The following SIPA1L2 variants were observed in gnomAD, a reference collection of about 807,000 sequenced individuals.
SIPA1L2 encodes the protein signal-induced proliferation-associated 1-like protein 2.
A neutral mutation model predicts 163.9 loss-of-function variants in SIPA1L2; 56 were observed. That is an observed-to-expected ratio of 0.34 (90% CI 0.28 to 0.43). The LOEUF is 0.43. SIPA1L2 is among the 20% of genes least tolerant of loss of function. SIPA1L2 has a pLI of 1.00. For synonymous variants in SIPA1L2, 877 were observed against 865.7 expected, an observed-to-expected ratio of 1.01 and a Z score of -0.23; for missense variants, 1,974 against 2,193.5, an observed-to-expected ratio of 0.90 and a Z score of 2.00.
chr1:232,534,789 A>G (rs1302503364), intron 2 of SIPA1L2, among the ~76,000 whole-genome samples: 1 of 152,192 alleles, frequency 6.6e-6, no homozygotes, highest in East Asian at 1.9e-4. Flanking sequence ...GAGACTCATC[A>G]TTCCAGCATC....
intron 2 of SIPA1L2, among the ~76,000 whole-genome samples, chr1:232,551,792 G>A (rs1052417130): frequency 6.6e-6 from 1 of 152,186 alleles, no homozygotes; most frequent in African/African-American, 2.4e-5. Flanking sequence ...TAAAAGCCAG[G>A]CCAAGGAATT....
intron 16 of SIPA1L2, among the ~76,000 whole-genome samples, chr1:232,430,493 A>C (rs549139544): frequency 6.6e-6 from 1 of 152,280 alleles, no homozygotes; most frequent in Admixed American, 6.5e-5. Flanking sequence ...TCTTCAGTGC[A>C]CAATGAGACA....
At chr1:232,538,898 A>G (rs1390879911) in intron 2 of SIPA1L2, among the ~76,000 whole-genome samples, 1 of 152,228 alleles carries the variant, frequency 6.6e-6, no homozygotes, top group African/African-American at 2.4e-5. Context: ...AAGCGTATAT[A>G]GAATATCATG....
intron 15 of SIPA1L2, among the ~76,000 whole-genome samples, chr1:232,437,647 A>AC (rs1179123592): frequency 6.6e-6 from 1 of 151,610 alleles, no homozygotes; most frequent in African/African-American, 2.4e-5. Context: ...ACAGGGACTG[A>AC]CCCCCAGCCC....
intron 2 of SIPA1L2, among the ~76,000 whole-genome samples, chr1:232,563,994 T>C (rs1387509047): frequency 1.5e-5 from 2 of 134,056 alleles, no homozygotes; most frequent in East Asian, 4.2e-4. Flanking sequence ...TGTGTGTGTG[T>C]GTGATGGAGT....
chr1:232,433,317 T>C (rs568316297), intron 15 of SIPA1L2, among the ~76,000 whole-genome samples: 41 of 152,160 alleles, frequency 2.7e-4, no homozygotes, highest in Non-Finnish European at 5.9e-4. Context: ...AGTTGCTTAA[T>C]AAAGTTCATA....
intron 10 of SIPA1L2, among the ~76,000 whole-genome samples, chr1:232,459,713 A>G (rs1391704103): frequency 2.6e-5 from 4 of 151,916 alleles, no homozygotes; most frequent in Non-Finnish European, 2.9e-5. Context: ...GGGTTTTGCC[A>G]TGTTGTCCAG....
chr1:232,399,914 A>C (rs1320904627), intron 22 of SIPA1L2, among the ~76,000 whole-genome samples: 17 of 152,278 alleles, frequency 1.1e-4, no homozygotes, highest in Non-Finnish European at 1.9e-4. Context: ...AGATTGTAAT[A>C]ATCGGTATTT....
In SIPA1L2 at chr1:232,474,781, A is replaced by G. The variant is rs540239392; in HGVS notation, c.2086-3253T>C. ...AAAAAAATTTTAACGAGAGGAAAAA[A>G]CTCAAAAAGCAAACTGAGAAGAAAA... On this transcript the variant is annotated intron_variant, in intron 7 of 22. Coordinates refer to ENST00000674635, the MANE Select transcript of SIPA1L2 (RefSeq NM_020808.5). Among the ~76,000 whole-genome samples, 20 of 152,324 alleles carry G rather than the reference A, an allele frequency of 1.3e-4. No homozygotes were observed. The East Asian group carries it at 3.5e-3, about 26-fold the overall frequency.
At chr1:232,534,661 TCAG>T (rs1358388037) in intron 2 of SIPA1L2, among the ~76,000 whole-genome samples, 1 of 152,208 alleles carries the variant, frequency 6.6e-6, no homozygotes, top group Non-Finnish European at 1.5e-5. Context: ...AGCAGGAGTG[TCAG>T]CAGCACACTG....
At chr1:232,467,977 T>C (rs1664610057) in intron 8 of SIPA1L2, among the ~76,000 whole-genome samples, 1 of 152,228 alleles carries the variant, frequency 6.6e-6, no homozygotes, top group Non-Finnish European at 1.5e-5. Context: ...CTGTACAATG[T>C]ATGCCATATT....
intron 3 of SIPA1L2, among the ~76,000 whole-genome samples, chr1:232,512,693 A>C (rs1667033972): frequency 6.6e-6 from 1 of 152,208 alleles, no homozygotes; most frequent in Non-Finnish European, 1.5e-5. Context: ...TAATGCATTC[A>C]GGGCTTAAAA....
intron 1 of SIPA1L2, among the ~76,000 whole-genome samples, chr1:232,577,792 G>A (rs777459535): frequency 2.6e-5 from 4 of 152,206 alleles, no homozygotes; most frequent in African/African-American, 9.6e-5. Flanking sequence ...AATGGATGAG[G>A]AGTTGCTTTT....
chr1:232,588,321 G>C (rs1035219970), intron 1 of SIPA1L2, among the ~76,000 whole-genome samples: 1 of 152,054 alleles, frequency 6.6e-6, no homozygotes, highest in South Asian at 2.1e-4. Context: ...AACAAAACAG[G>C]CCCATTTTCG....
chr1:232,562,240 C>T (rs897569746), intron 2 of SIPA1L2, among the ~76,000 whole-genome samples: 1 of 152,224 alleles, frequency 6.6e-6, no homozygotes, highest in African/African-American at 2.4e-5. Flanking sequence ...CAAGGAGGCA[C>T]ATGCGTCTGT....
intron 1 of SIPA1L2, among the ~76,000 whole-genome samples, chr1:232,625,199 T>A (rs1663009614): frequency 6.6e-6 from 1 of 152,344 alleles, no homozygotes. Flanking sequence ...AGAGCATTAG[T>A]AGTTAACTAT....
intron 1 of SIPA1L2, among the ~76,000 whole-genome samples, chr1:232,611,997 T>C (rs1199358572): frequency 6.6e-6 from 1 of 152,182 alleles, no homozygotes; most frequent in African/African-American, 2.4e-5. Context: ...GCTTACAGAC[T>C]TGGTGCCCTG....
chr1:232,429,943 C>T (rs965910997), intron 16 of SIPA1L2, among the ~76,000 whole-genome samples: 1 of 152,188 alleles, frequency 6.6e-6, no homozygotes, highest in Non-Finnish European at 1.5e-5. Flanking sequence ...TTACAATGTG[C>T]TGTTCTAGTT....
chr1:232,528,374 T>C (rs1485035169), intron 2 of SIPA1L2, among the ~76,000 whole-genome samples: 1 of 152,100 alleles, frequency 6.6e-6, no homozygotes, highest in African/African-American at 2.4e-5. Flanking sequence ...AGAATCCAAG[T>C]TGCTTCATTT....
Sources: allele counts gnomAD v4.1 joint callset (sites outside exome capture counted in the v4.1 genomes callset), GRCh38; gene constraint gnomAD v4.1.1; transcripts MANE v1.5; gene names NCBI Gene and HGNC (gene_info 2026-07-23, HGNC 2026-07-21).